The following NRXN1 variants were observed in gnomAD, a reference collection of about 807,000 sequenced individuals.
NRXN1 encodes the protein neurexin-1.
In NRXN1, 39 loss-of-function variants were observed where a neutral mutation model predicts 150.9. That is an observed-to-expected ratio of 0.26 (90% CI 0.20 to 0.34). The LOEUF is 0.34. NRXN1 is among the 10% of genes least tolerant of loss of function. The probability of loss-of-function intolerance (pLI) is 1.00; values close to 1 mark genes in which losing one functional copy is unlikely to be tolerated. For synonymous variants in NRXN1, 924 were observed against 757.0 expected (o/e 1.22, Z -3.62); for missense variants, 1,815 against 1,949.9 (o/e 0.93, Z 1.30).
intron 18 of NRXN1, among the ~76,000 whole-genome samples, chr2:50,103,865 C>CTAAACAAA (rs113500100): frequency 6.7e-6 from 1 of 150,268 alleles, no homozygotes; most frequent in African/African-American, 2.4e-5. Flanking sequence ...CAGCCATTGA[C>CTAAACAAA]CAAACAAACA....
At chr2:49,947,136 G>GA (rs1244210952) in intron 21 of NRXN1, among the ~76,000 whole-genome samples, 1 of 151,868 alleles carries the variant, frequency 6.6e-6, no homozygotes, top group Non-Finnish European at 1.5e-5. Flanking sequence ...TTTCCCCCCG[G>GA]ACCAACATCT....
intron 5 of NRXN1, among the ~76,000 whole-genome samples, chr2:50,647,509 C>A (rs753397269): frequency 7.9e-5 from 12 of 151,968 alleles, no homozygotes; most frequent in Admixed American, 7.2e-4. Context: ...TTCGACACTG[C>A]TTGTGTATAA....
At chr2:50,289,323 C>T (rs769236961) in intron 17 of NRXN1, among the ~76,000 whole-genome samples, 2 of 152,122 alleles carry the variant, frequency 1.3e-5, no homozygotes, top group Non-Finnish European at 2.9e-5. Flanking sequence ...TCTCACAATG[C>T]AAATGAGGAG....
chr2:50,527,286 GC>G (rs2092979583), intron 12 of NRXN1, among the ~76,000 whole-genome samples: 1 of 152,096 alleles, frequency 6.6e-6, no homozygotes, highest in Admixed American at 6.6e-5. Context: ...CTGCATCTAT[GC>G]CCCCAGCTGA....
chr2:50,535,453 T>A (rs1007263346), intron 10 of NRXN1, among the ~76,000 whole-genome samples: 1 of 152,236 alleles, frequency 6.6e-6, no homozygotes, highest in Non-Finnish European at 1.5e-5. Context: ...ACGATGAAAA[T>A]CAGACAGGGA....
chr2:50,999,663 A>T (rs6545189), intron 2 of NRXN1, among the ~76,000 whole-genome samples: 1 of 151,726 alleles, frequency 6.6e-6, no homozygotes, highest in African/African-American at 2.4e-5. Flanking sequence ...GTGAATTTCG[A>T]CTGATAGGGA....
intron 17 of NRXN1, among the ~76,000 whole-genome samples, chr2:50,407,129 A>G (rs2104009456): frequency 6.6e-6 from 1 of 152,318 alleles, no homozygotes; most frequent in East Asian, 1.9e-4. Flanking sequence ...TTAAATTATT[A>G]AACTCCCATG....
intron 17 of NRXN1, among the ~76,000 whole-genome samples, chr2:50,249,199 G>T (rs1218868758): frequency 1.3e-5 from 2 of 150,280 alleles, no homozygotes; most frequent in Non-Finnish European, 3.0e-5. Flanking sequence ...TGATGAAAAA[G>T]ATGATTCAAA....
intron 13 of NRXN1, among the ~76,000 whole-genome samples, chr2:50,504,050 T>G (rs2092094798): frequency 6.6e-6 from 1 of 150,590 alleles, no homozygotes; most frequent in South Asian, 2.1e-4. Context: ...CAGGAAGAGA[T>G]TATATACTTC....
At chr2:50,962,793 TCCCAAA>T (rs1693422622) in intron 2 of NRXN1, among the ~76,000 whole-genome samples, 1 of 151,606 alleles carries the variant, frequency 6.6e-6, no homozygotes, top group African/African-American at 2.4e-5. Context: ...AAATTTTCGC[TCCCAAA>T]TGATCTCAAT....
chr2:50,488,738 G>A (rs1415406157), intron 15 of NRXN1, among the ~76,000 whole-genome samples: 1 of 152,210 alleles, frequency 6.6e-6, no homozygotes, highest in Non-Finnish European at 1.5e-5. Flanking sequence ...CAAAAGGAGG[G>A]AGGTCTGAGA....
At position 49,983,470 on chromosome 2, in the gene NRXN1, A is replaced by G. The variant is rs1680340919; in HGVS notation, c.4129-39679T>C. Among the ~76,000 whole-genome samples the G allele has an allele frequency of 4.6e-5, 7 of 152,132 alleles. No homozygotes were observed. In the South Asian group the frequency reaches 1.5e-3, roughly 32 times the overall value. On this transcript the variant is annotated intron_variant, in intron 21 of 22. Coordinates refer to ENST00000401669, the MANE Select transcript of NRXN1 (RefSeq NM_001330078.2). ...ATTTATATTTTTACGGGTCTTTTAA[A>G]TTATATTTTTATACTTTTAATATTT...
At chr2:50,111,220 T>C (rs1366217759) in intron 18 of NRXN1, among the ~76,000 whole-genome samples, 1 of 152,112 alleles carries the variant, frequency 6.6e-6, no homozygotes, top group Non-Finnish European at 1.5e-5. Flanking sequence ...AGGCCCAAAC[T>C]CTCATGTGAT....
At chr2:50,633,047 T>G (rs1682620949) in intron 5 of NRXN1, 1 of 152,124 alleles carries the variant, frequency 6.6e-6, no homozygotes, top group Admixed American at 6.5e-5. Context: ...CCTGGTATAT[T>G]CTAACAAGTC....
chr2:50,616,064 T>C (rs1679006709), intron 8 of NRXN1: 1 of 152,192 alleles, frequency 6.6e-6, no homozygotes, highest in South Asian at 2.1e-4. Flanking sequence ...TGGCAATTTA[T>C]TATTTATAAT....
intron 5 of NRXN1, among the ~76,000 whole-genome samples, chr2:50,662,845 G>A (rs1458216909): frequency 6.6e-6 from 1 of 151,972 alleles, no homozygotes; most frequent in African/African-American, 2.4e-5. Context: ...AGCACTGAAG[G>A]TGTAGATCCA....
chr2:50,394,873 C>A (rs1283900222), intron 17 of NRXN1, among the ~76,000 whole-genome samples: 1 of 151,940 alleles, frequency 6.6e-6, no homozygotes, highest in African/African-American at 2.4e-5. Context: ...TCCAGTTACC[C>A]AGGTCTTCTT....
At chr2:50,019,127 C>T (rs1027659123) in intron 21 of NRXN1, 36 of 461,174 alleles carry the variant, frequency 7.8e-5, no homozygotes, top group African/African-American at 6.8e-4. Context: ...CTTTCATCAT[C>T]CCTAGGGTAT....
At chr2:50,591,842 G>A (rs539764888) in intron 8 of NRXN1, among the ~76,000 whole-genome samples, 3 of 152,334 alleles carry the variant, frequency 2.0e-5, no homozygotes, top group South Asian at 2.1e-4. Flanking sequence ...GAAGATTTCG[G>A]CTTGGCTTCC....
Sources: gnomAD v4.1 joint callset for allele counts (sites outside exome capture counted in the v4.1 genomes callset) on GRCh38, gnomAD v4.1.1 for gene constraint, MANE v1.5 for transcripts, NCBI Gene and HGNC (gene_info 2026-07-23, HGNC 2026-07-21) for gene names.